SPATA31C1: variants seen among roughly 807,000 people sequenced by gnomAD.
SPATA31C1 encodes the protein spermatogenesis-associated protein 31C1.
chr9:87,921,032 A>G lies in SPATA31C1; in HGVS notation n.1422A>G. 4 of 1,611,750 alleles carry G rather than the reference A, an allele frequency of 2.5e-6. 1 individual carries two copies. The South Asian group carries it at 4.4e-5, about 18-fold the overall frequency. On this transcript the variant is annotated non_coding_transcript_exon_variant, in exon 5 of 5. Coordinates refer to ENST00000420021, the Ensembl canonical transcript of SPATA31C1. ...TCCCAGTCCTATCTCCTGCTTTTCT[A>G]TCCCCGATGAAGAACACTGGAGTAG...
exon 5 of SPATA31C1, chr9:87,922,905 G>GT (rs1828913937): frequency 6.2e-7 from 1 of 1,604,576 alleles, no homozygotes; most frequent in African/African-American, 1.3e-5. Context: ...GAATGAAGGC[G>GT]TCCAGCTACT....
At position 87,919,236 on chromosome 9, in the gene SPATA31C1, G is replaced by T; in HGVS notation, n.523-55G>T. On this transcript the variant is annotated intron_variant and non_coding_transcript_variant, in intron 2 of 4. Coordinates refer to ENST00000420021, the Ensembl canonical transcript of SPATA31C1. ...GAGGGAGAGCCGGTCCTAGCTCCTC[G>T]CCATTTCTTGTCTCCCAGCGTCATC... 1 of 1,601,740 alleles carries T rather than the reference G, an allele frequency of 6.2e-7. No individual in the cohort carries two copies. The highest frequency in any genetic ancestry group is 8.5e-7 in the Non-Finnish European group (1 of 1,173,950).
intron 4 of SPATA31C1, 28 bp downstream of exon 3, chr9:87,920,004 T>C (rs1828808578): frequency 6.2e-7 from 1 of 1,608,250 alleles, no homozygotes; most frequent in Non-Finnish European, 8.5e-7. Flanking sequence ...CCCTGCATCC[T>C]TCCTACCAGG....
At chr9:87,915,863 T>C (rs1828703687) in intron 1 of SPATA31C1, among the ~76,000 whole-genome samples, 1 of 145,800 alleles carries the variant, frequency 6.9e-6, no homozygotes, top group African/African-American at 2.5e-5. Context: ...TCCTCCCACT[T>C]TATTCTTCTA....
chr9:87,920,965 C>T (rs913516133), exon 5 of SPATA31C1: 6 of 1,612,968 alleles, frequency 3.7e-6, no homozygotes, highest in African/African-American at 2.7e-5. Flanking sequence ...CGGCCCACAC[C>T]TATGGCTCAG....
chr9:87,922,001 CT>C (rs1828886479), exon 5 of SPATA31C1: 2 of 1,613,706 alleles, frequency 1.2e-6, no homozygotes, highest in Non-Finnish European at 1.7e-6. Context: ...CCTCAGACAC[CT>C]GCGAATCTGG....
At chr9:87,920,854 G>A (rs1423376789) in exon 5 of SPATA31C1, 6 of 1,613,352 alleles carry the variant, frequency 3.7e-6, no homozygotes, top group South Asian at 3.3e-5. Flanking sequence ...CATCTTTCCC[G>A]CCAAAGGGAC....
Position 87,917,095 on chromosome 9 carries a change from G to A in SPATA31C1, n.190-752G>A. On this transcript the variant is annotated intron_variant and non_coding_transcript_variant, in intron 1 of 4. Coordinates refer to ENST00000420021, the Ensembl canonical transcript of SPATA31C1. ...AATTTTAAAAAAATCTTAATTGTAT[G>A]TGGGTAGGTCCCTTTGATTCAAAGT... 1.4e-5 allele frequency among the ~76,000 whole-genome samples: 2 copies of A among 138,326 alleles called. 1 individual carries two copies. 90.7% of individuals were successfully genotyped at this position (138,326 alleles called of 152,430 possible).
At chr9:87,916,912 G>A (rs1828739429) in intron 1 of SPATA31C1, among the ~76,000 whole-genome samples, 1 of 59,514 alleles carries the variant, frequency 1.7e-5, no homozygotes, top group Non-Finnish European at 3.3e-5. Context: ...CAGGAGAATG[G>A]CATGAACCCA....
At chr9:87,920,547 G>A (rs377360948) in exon 5 of SPATA31C1, 2 of 1,613,488 alleles carry the variant, frequency 1.2e-6, no homozygotes, top group African/African-American at 2.7e-5. Flanking sequence ...CGAGCCACCT[G>A]CACTTTTCCC....
rs755183024 is a variant in SPATA31C1, at chr9:87,921,664, T to A, written n.2054T>A. ...ATAGAAAACATCCTGAAAGCCCACA[T>A]GGGCAGAAAGTTGGGCCAGACCAAC... On this transcript the variant is annotated non_coding_transcript_exon_variant, in exon 5 of 5. Transcript: ENST00000420021. The A allele has an allele frequency of 2.5e-6, 4 of 1,611,904 alleles. No homozygotes were observed. The East Asian group carries it at 8.9e-5, about 36-fold the overall frequency.
At chr9:87,920,433 G>T (rs764208668) in exon 5 of SPATA31C1, 3 of 1,613,896 alleles carry the variant, frequency 1.9e-6, no homozygotes, top group Non-Finnish European at 2.5e-6. Flanking sequence ...GCATCCTCAG[G>T]ATCTGGCCTC....
At chr9:87,923,283 A>C in exon 5 of SPATA31C1, 2 of 1,603,806 alleles carry the variant, frequency 1.2e-6, no homozygotes, top group Non-Finnish European at 1.7e-6. Flanking sequence ...AGCCACTCTC[A>C]AGAACCAGAG....
chr9:87,921,070 C>T (rs1316391577), exon 5 of SPATA31C1: 4 of 1,611,332 alleles, frequency 2.5e-6, no homozygotes, highest in African/African-American at 1.3e-5. Context: ...TGCCCTGCGT[C>T]GCAGAATAAA....
At position 87,916,230 on chromosome 9, in the gene SPATA31C1, A is replaced by G. The variant is rs568946049; in HGVS notation, n.189+1520A>G. On this transcript the variant is annotated intron_variant and non_coding_transcript_variant, in intron 1 of 4. Transcript: ENST00000420021. The stretch of plus-strand genomic sequence containing the variant: ...AGATACCAATGGTGGTCAGATATGA[A>G]GATGGAGGAAGACTCCATCTCAAAA... Among the ~76,000 whole-genome samples the G allele has an allele frequency of 2.6e-3, 362 of 137,718 alleles. 27 individuals are homozygous for G. The highest frequency in any genetic ancestry group is 4.4e-3 in the Admixed American group (62 of 14,094). The allele number at this position is 137,718 out of a possible 152,430, so 90.3% of individuals were successfully genotyped here.
At chr9:87,918,992 A>G (rs1828771760) in intron 2 of SPATA31C1, 1 of 428,776 alleles carries the variant, frequency 2.3e-6, no homozygotes, top group Non-Finnish European at 4.5e-6. Context: ...CTGGTCTCAA[A>G]CTCTTGACCT....
chr9:87,921,353 G>T lies in SPATA31C1; in HGVS notation n.1743G>T, dbSNP rs781568500. ...ATCTGATGCAGCTTCAGGATGAATT[G>T]CCAGGGACAAGTCAGGCCAAGGGCA... is the stretch of plus-strand genomic sequence containing the variant. On this transcript the variant is annotated non_coding_transcript_exon_variant, in exon 5 of 5. Transcript: ENST00000420021. The T allele has an allele frequency of 9.9e-5, 160 of 1,611,834 alleles. No homozygotes were observed. In the African/African-American group the frequency reaches 1.9e-3, roughly 19 times the overall value.
chr9:87,923,349 T>C (rs1257760967), exon 5 of SPATA31C1: 1 of 1,602,272 alleles, frequency 6.2e-7, no homozygotes, highest in African/African-American at 1.3e-5. Context: ...AAGTGTCCGG[T>C]GCAACAATGA....
At chr9:87,920,904 T>A (rs1215096749) in exon 5 of SPATA31C1, 1 of 1,613,184 alleles carries the variant, frequency 6.2e-7, no homozygotes, top group Non-Finnish European at 8.5e-7. Context: ...CCAGCCCCTG[T>A]CCCATCTGGG....
Sources: gnomAD v4.1 joint callset for allele counts (sites outside exome capture counted in the v4.1 genomes callset) on GRCh38, gnomAD v4.1.1 for gene constraint, MANE v1.5 for transcripts, NCBI Gene and HGNC (gene_info 2026-07-23, HGNC 2026-07-21) for gene names.